The following CEP112 variants were observed in gnomAD, a reference collection of about 807,000 sequenced individuals.
CEP112 encodes centrosomal protein of 112 kDa.
In CEP112, 127 loss-of-function variants were observed where a neutral mutation model predicts 153.0. The ratio of observed to expected loss-of-function variants is 0.83; its 90% CI spans 0.72 to 0.96. The LOEUF (loss-of-function observed/expected upper bound fraction) is 0.96. Ranked by LOEUF, CEP112 falls within the 40% of genes least tolerant of loss-of-function variation. The pLI is 0.00. For synonymous variants in CEP112, 358 were observed against 374.4 expected, an observed-to-expected ratio of 0.96 and a Z score of 0.51; for missense variants, 1,089 against 1,101.2, an observed-to-expected ratio of 0.99 and a Z score of 0.16.
At chr17:66,063,165 G>T in intron 10 of CEP112, 84 bp from the exon 11 acceptor site, 1 of 519,662 alleles carries the variant, frequency 1.9e-6, no homozygotes, top group South Asian at 4.1e-5. Context: ...CCAGTTAGTA[G>T]GTAATTCAAT....
At chr17:65,972,672 A>G (rs1002053623) in intron 17 of CEP112, among the ~76,000 whole-genome samples, 3 of 152,238 alleles carry the variant, frequency 2.0e-5, no homozygotes, top group Non-Finnish European at 4.4e-5. Flanking sequence ...CAAATTATCA[A>G]TATTACAAAT....
chr17:66,000,265 A>ATTG (rs2063972878), intron 17 of CEP112, among the ~76,000 whole-genome samples: 1 of 18,306 alleles, frequency 5.5e-5, no homozygotes, highest in East Asian at 4.3e-3. Flanking sequence ...AACCATTTTG[A>ATTG]CTGTAAGATG....
intron 18 of CEP112, among the ~76,000 whole-genome samples, chr17:65,959,853 A>G (rs1190063245): frequency 6.6e-6 from 1 of 152,032 alleles, no homozygotes; most frequent in Non-Finnish European, 1.5e-5. Context: ...TGCCTAACTC[A>G]CCCTTGGCAG....
intron 24 of CEP112, among the ~76,000 whole-genome samples, chr17:65,660,476 TTCCTTC>T (rs2046328398): frequency 1.9e-4 from 6 of 31,666 alleles, no homozygotes; most frequent in Non-Finnish European, 2.3e-4. Flanking sequence ...CCTTCCTTCC[TTCCTTC>T]CTTCCTTCCT....
chr17:65,733,310 C>T (rs2050618640), intron 23 of CEP112, among the ~76,000 whole-genome samples: 1 of 152,008 alleles, frequency 6.6e-6, no homozygotes, highest in South Asian at 2.1e-4. Flanking sequence ...ATAGTAACAT[C>T]GAAGATCACT....
chr17:65,676,779 C>T (rs540674698), intron 24 of CEP112, among the ~76,000 whole-genome samples: 2 of 152,326 alleles, frequency 1.3e-5, no homozygotes, highest in East Asian at 3.9e-4. Flanking sequence ...TATGAAATCA[C>T]ACAAAGCCTC....
chr17:65,885,490 T>A lies in CEP112; in HGVS notation c.2163+16662A>T, dbSNP rs35966746. Among the ~76,000 whole-genome samples the A allele has an allele frequency of 8.7e-3, 1,291 of 148,918 alleles. 17 individuals carry two copies. Among genetic ancestry groups the A allele is most frequent in the African/African-American group, 0.03 (1,214 of 40,654 alleles). ...TTTAAAGTTATGTTGTTTTCCTTTT[T>A]AAAAAAAAAACGGTTTGAATTAACT... On this transcript the variant is annotated intron_variant, in intron 20 of 26. Transcript: ENST00000535342.
At chr17:66,041,509 G>A (rs1211612166) in intron 12 of CEP112, among the ~76,000 whole-genome samples, 2 of 152,008 alleles carry the variant, frequency 1.3e-5, no homozygotes, top group Non-Finnish European at 2.9e-5. Flanking sequence ...GTATACACAG[G>A]CTAGTATATA....
intron 23 of CEP112, among the ~76,000 whole-genome samples, chr17:65,727,747 A>G (rs2050259104): frequency 6.6e-6 from 1 of 152,190 alleles, no homozygotes; most frequent in Admixed American, 6.5e-5. Flanking sequence ...AAGATGATTT[A>G]CAGGCAGTGC....
At chr17:66,031,497 T>TTTTGTTTTGTTTTGTTTTG (rs1555776192) in intron 12 of CEP112, among the ~76,000 whole-genome samples, 1 of 148,182 alleles carries the variant, frequency 6.7e-6, no homozygotes. Context: ...TTTTTTTTTT[T>TTTTGTTTTGTTTTGTTTTG]TTTTGAGACA....
chr17:66,124,956 C>G (rs536022324), intron 6 of CEP112, among the ~76,000 whole-genome samples: 1 of 152,202 alleles, frequency 6.6e-6, no homozygotes, highest in South Asian at 2.1e-4. Context: ...AAATAAAACT[C>G]TGAATATAGT....
chr17:65,730,080 C>T (rs140672597), intron 23 of CEP112, among the ~76,000 whole-genome samples: 5 of 152,336 alleles, frequency 3.3e-5, no homozygotes, highest in African/African-American at 4.8e-5. Flanking sequence ...TTCGTGTATT[C>T]GCTCATCAAA....
chr17:65,822,251 T>TA lies in CEP112; in HGVS notation c.2394+29552dup, dbSNP rs916304024. Among the ~76,000 whole-genome samples, 486 of 148,782 alleles carry TA rather than the reference T, an allele frequency of 3.3e-3. 1 individual carries two copies. Among genetic ancestry groups the TA allele is most frequent in the African/African-American group, 0.01 (424 of 40,756 alleles). On this transcript the variant is annotated intron_variant, in intron 21 of 26. Transcript: ENST00000535342. ...TCCATGTTGGTTTATATTGTTGTTA[T>TA]AAAAAAAAAATCAGATGTATGGCGT...
chr17:66,011,103 T>C (rs1349798516), intron 16 of CEP112, among the ~76,000 whole-genome samples: 1 of 152,106 alleles, frequency 6.6e-6, no homozygotes, highest in East Asian at 1.9e-4. Flanking sequence ...TTTTTTTGGT[T>C]GGTAGGCTTT....
At position 65,910,182 on chromosome 17, in the gene CEP112, CT is replaced by C. The variant is rs1435932630; in HGVS notation, c.1981-7849del. On this transcript the variant is annotated intron_variant, in intron 19 of 26. Transcript: ENST00000535342. ...TTTCTCTGACAGAAGTTGTTCAGAA[CT>C]GCAACTAAGCTCTTTTTCTCCATCC... 3.3e-5 allele frequency among the ~76,000 whole-genome samples: 5 copies of C among 152,140 alleles called. No homozygotes were observed. In the East Asian group the frequency reaches 9.6e-4, roughly 29 times the overall value.
At chr17:66,101,959 G>C (rs2068586036) in intron 6 of CEP112, among the ~76,000 whole-genome samples, 1 of 152,012 alleles carries the variant, frequency 6.6e-6, no homozygotes, top group Non-Finnish European at 1.5e-5. Context: ...AGAAGAGATG[G>C]CTATTTTTTA....
chr17:66,143,807 C>T (rs1214678338), intron 4 of CEP112, among the ~76,000 whole-genome samples: 1 of 152,128 alleles, frequency 6.6e-6, no homozygotes, highest in Non-Finnish European at 1.5e-5. Flanking sequence ...AAAAACAGAG[C>T]AAACAGCCAT....
intron 21 of CEP112, among the ~76,000 whole-genome samples, chr17:65,799,140 A>ATT (rs2145804084): frequency 1.3e-5 from 2 of 152,330 alleles, no homozygotes; most frequent in South Asian, 4.1e-4. Context: ...CTTCCCTTTT[A>ATT]TTTTGAGGTG....
At chr17:65,671,613 T>G (rs2046985975) in intron 24 of CEP112, among the ~76,000 whole-genome samples, 1 of 152,202 alleles carries the variant, frequency 6.6e-6, no homozygotes, top group African/African-American at 2.4e-5. Context: ...TATGTGTGTG[T>G]ATGTATATAT....
Sources: gnomAD v4.1 joint callset for allele counts (sites outside exome capture counted in the v4.1 genomes callset) on GRCh38, gnomAD v4.1.1 for gene constraint, MANE v1.5 for transcripts, NCBI Gene and HGNC (gene_info 2026-07-23, HGNC 2026-07-21) for gene names.